ADAMTS6: variants seen among roughly 807,000 people sequenced by gnomAD.
The protein encoded by ADAMTS6 is A disintegrin and metalloproteinase with thrombospondin motifs 6.
Under a neutral mutation model 144.3 loss-of-function variants are expected in ADAMTS6, and 23 were observed. The observed-to-expected ratio is 0.16, with a 90% CI of 0.11 to 0.23. The LOEUF (loss-of-function observed/expected upper bound fraction) is 0.23. Among genes scored for constraint, ADAMTS6 ranks in the 10% least tolerant of loss-of-function variants. ADAMTS6 has a pLI of 1.00. For missense variants in ADAMTS6, 999 were observed against 1,379.6 expected (o/e 0.72, Z 4.37); for synonymous variants, 444 against 457.5 (o/e 0.97, Z 0.38).
At chr5:65,420,252 G>T (rs1201154256) in intron 7 of ADAMTS6, among the ~76,000 whole-genome samples, 2 of 152,164 alleles carry the variant, frequency 1.3e-5, no homozygotes, top group African/African-American at 4.8e-5. Context: ...TCTCTCCCTT[G>T]ACACATGGGG....
intron 7 of ADAMTS6, among the ~76,000 whole-genome samples, chr5:65,402,597 C>T (rs1028020938): frequency 2.0e-5 from 3 of 152,050 alleles, no homozygotes; most frequent in Non-Finnish European, 2.9e-5. Context: ...CTTCCAGATG[C>T]TCACACACCA....
At chr5:65,332,330 G>GAGAGAGAC (rs1554071667) in intron 8 of ADAMTS6, among the ~76,000 whole-genome samples, 8 of 148,860 alleles carry the variant, frequency 5.4e-5, no homozygotes, top group African/African-American at 2.0e-4. Flanking sequence ...GAGAGAGAGA[G>GAGAGAGAC]AGAGAGAGAG....
chr5:65,179,275 C>G (rs1390456054), intron 22 of ADAMTS6, among the ~76,000 whole-genome samples: 1 of 152,080 alleles, frequency 6.6e-6, no homozygotes. Context: ...TACCAGGACT[C>G]TAAAAAGAAC....
intron 11 of ADAMTS6, among the ~76,000 whole-genome samples, chr5:65,288,583 G>A (rs543331708): frequency 6.6e-6 from 1 of 152,204 alleles, no homozygotes; most frequent in Non-Finnish European, 1.5e-5. Context: ...CTCCCAAAGT[G>A]GTGGGATTAC....
intron 9 of ADAMTS6, among the ~76,000 whole-genome samples, chr5:65,304,213 A>T (rs1466925836): frequency 6.6e-6 from 1 of 152,242 alleles, no homozygotes; most frequent in African/African-American, 2.4e-5. Context: ...AAATCCCAGA[A>T]ATGATCTGGC....
At chr5:65,319,135 C>T (rs1745288383) in intron 9 of ADAMTS6, among the ~76,000 whole-genome samples, 1 of 151,864 alleles carries the variant, frequency 6.6e-6, no homozygotes, top group Non-Finnish European at 1.5e-5. Flanking sequence ...TATCTAATCA[C>T]AATCCAAGAA....
chr5:65,273,862 T>G (rs1310110325), intron 11 of ADAMTS6, among the ~76,000 whole-genome samples: 2 of 152,160 alleles, frequency 1.3e-5, no homozygotes, highest in Non-Finnish European at 2.9e-5. Flanking sequence ...AGATCTACCA[T>G]AATATTCAAA....
At chr5:65,445,568 C>T (rs547349284) in intron 7 of ADAMTS6, among the ~76,000 whole-genome samples, 9 of 152,220 alleles carry the variant, frequency 5.9e-5, no homozygotes, top group Non-Finnish European at 1.2e-4. Context: ...TCTTGAACTC[C>T]CGACCTCAAG....
intron 10 of ADAMTS6, among the ~76,000 whole-genome samples, chr5:65,297,629 G>C (rs567870334): frequency 1.3e-5 from 2 of 152,054 alleles, no homozygotes; most frequent in Non-Finnish European, 2.9e-5. Flanking sequence ...AAAATATCAC[G>C]CATAGCTGTT....
chr5:65,457,730 T>C (rs1759317209), intron 4 of ADAMTS6, among the ~76,000 whole-genome samples: 1 of 145,980 alleles, frequency 6.9e-6, no homozygotes, highest in African/African-American at 2.6e-5. Flanking sequence ...TGAATCCTAG[T>C]TTTTTTCTTT....
intron 9 of ADAMTS6, among the ~76,000 whole-genome samples, chr5:65,324,452 C>T (rs1745971318): frequency 6.6e-6 from 1 of 151,884 alleles, no homozygotes; most frequent in South Asian, 2.1e-4. Context: ...TAAGTTTCTG[C>T]TTTTCATAAG....
intron 7 of ADAMTS6, among the ~76,000 whole-genome samples, chr5:65,392,595 C>A (rs1753014582): frequency 6.6e-6 from 1 of 152,146 alleles, no homozygotes; most frequent in South Asian, 2.1e-4. Flanking sequence ...TCCCTGTGTT[C>A]TTGTTATATG....
chr5:65,373,378 AAAAG>A (rs1325589039), intron 7 of ADAMTS6, among the ~76,000 whole-genome samples: 2 of 151,598 alleles, frequency 1.3e-5, no homozygotes, highest in Non-Finnish European at 2.9e-5. Flanking sequence ...AATAAAGAAA[AAAAG>A]AGAGAAGAAT....
chr5:65,252,136 T>A (rs2112546482), intron 14 of ADAMTS6, among the ~76,000 whole-genome samples: 1 of 152,310 alleles, frequency 6.6e-6, no homozygotes, highest in South Asian at 2.1e-4. Flanking sequence ...GATTCACCAG[T>A]GTAGGGATCC....
intron 7 of ADAMTS6, among the ~76,000 whole-genome samples, chr5:65,426,308 C>T (rs1354834175): frequency 6.6e-6 from 1 of 151,614 alleles, no homozygotes; most frequent in Non-Finnish European, 1.5e-5. Context: ...ATCCACCCAC[C>T]TTGGCCTCCC....
chr5:65,454,324 T>C (rs1759011404), intron 4 of ADAMTS6, among the ~76,000 whole-genome samples: 1 of 152,150 alleles, frequency 6.6e-6, no homozygotes, highest in African/African-American at 2.4e-5. Context: ...TTTTGAGAAA[T>C]GAGGTGGAAA....
intron 14 of ADAMTS6, chr5:65,251,565 C>T (rs1760160710): frequency 6.6e-6 from 1 of 152,112 alleles, no homozygotes; most frequent in South Asian, 2.1e-4. Context: ...CCTGTTATTC[C>T]AGCCTGGAGA....
At chr5:65,381,828 C>T (rs1376661444) in intron 7 of ADAMTS6, among the ~76,000 whole-genome samples, 1 of 152,034 alleles carries the variant, frequency 6.6e-6, no homozygotes, top group African/African-American at 2.4e-5. Flanking sequence ...TTGGGTAACA[C>T]ATGATATCTT....
At chr5:65,467,854 A>G (rs1038757062) in intron 3 of ADAMTS6, among the ~76,000 whole-genome samples, 1 of 152,214 alleles carries the variant, frequency 6.6e-6, no homozygotes, top group African/African-American at 2.4e-5. Context: ...AAGTCCCAAA[A>G]TGAGAGATGT....
Sources: gnomAD v4.1 joint callset for allele counts (sites outside exome capture counted in the v4.1 genomes callset) on GRCh38, gnomAD v4.1.1 for gene constraint, MANE v1.5 for transcripts, NCBI Gene and HGNC (gene_info 2026-07-23, HGNC 2026-07-21) for gene names.